Variants in TFEC observed in about 807,000 individuals in gnomAD.
TFEC encodes the protein transcription factor EC.
TFEC carries 31 observed loss-of-function variants against 41.6 expected under a neutral mutation model. That is an observed-to-expected ratio of 0.74 (90% CI 0.56 to 1.01). The LOEUF (loss-of-function observed/expected upper bound fraction) is 1.01. TFEC is among the 50% of genes least tolerant of loss of function. The pLI, the probability that TFEC is intolerant of heterozygous loss-of-function variation, is 0.00. For missense variants in TFEC, 402 were observed against 404.1 expected (o/e 0.99, Z 0.04); for synonymous variants, 143 against 140.6 (o/e 1.02, Z -0.12).
At chr7:115,955,875 T>C (rs1219746781) in intron 4 of TFEC, among the ~76,000 whole-genome samples, 2 of 152,052 alleles carry the variant, frequency 1.3e-5, no homozygotes, top group Admixed American at 6.6e-5. Context: ...GAATTATTGA[T>C]TGAGCTTTAA....
chr7:116,057,734 G>GA (rs1177853988), intron 3 of TFEC, among the ~76,000 whole-genome samples: 1 of 151,570 alleles, frequency 6.6e-6, no homozygotes. Context: ...TAAGATTAAC[G>GA]AAAAAATAGC....
intron 3 of TFEC, among the ~76,000 whole-genome samples, chr7:115,973,663 G>A (rs1457479980): frequency 6.6e-6 from 1 of 151,998 alleles, no homozygotes; most frequent in Admixed American, 6.6e-5. Context: ...TACTTTAAAG[G>A]AGGGTGAGGC....
intron 3 of TFEC, among the ~76,000 whole-genome samples, chr7:116,103,557 A>C (rs993878806): frequency 5.3e-5 from 8 of 152,196 alleles, no homozygotes; most frequent in African/African-American, 1.9e-4. Flanking sequence ...TAGTTTCTAT[A>C]GTTAAATATT....
intron 3 of TFEC, among the ~76,000 whole-genome samples, chr7:116,052,716 C>T (rs1280278761): frequency 2.0e-5 from 3 of 151,532 alleles, no homozygotes; most frequent in African/African-American, 7.3e-5. Flanking sequence ...CATGAGCCAC[C>T]GTGCCCAGCA....
At chr7:116,138,844 A>C (rs1046870171) in intron 1 of TFEC, among the ~76,000 whole-genome samples, 1 of 152,218 alleles carries the variant, frequency 6.6e-6, no homozygotes, top group African/African-American at 2.4e-5. Context: ...AAAGAAAAAA[A>C]GTAAAGGCTT....
chr7:116,131,050 A>T (rs1447049288), intron 1 of TFEC, among the ~76,000 whole-genome samples: 1 of 152,232 alleles, frequency 6.6e-6, no homozygotes, highest in Admixed American at 6.5e-5. Flanking sequence ...TAGAATCTAC[A>T]TTAATGTGTA....
intron 1 of TFEC, among the ~76,000 whole-genome samples, chr7:116,116,301 G>A (rs1797986752): frequency 6.6e-6 from 1 of 151,902 alleles, no homozygotes; most frequent in African/African-American, 2.4e-5. Context: ...TGGGGGACAT[G>A]ATAGCTGTCT....
At chr7:116,050,690 CT>C (rs200920486) in intron 3 of TFEC, among the ~76,000 whole-genome samples, 28,844 of 152,116 alleles carry the variant, frequency 0.19, 2,763 homozygotes, top group East Asian at 0.32. Context: ...CACTTTTACA[CT>C]GTTGGTGGGA....
chr7:115,935,429 A>G lies in TFEC; in HGVS notation c.*5122T>C, dbSNP rs1377539893. ...ATATGTAAAACACTATTAAAGTCAAAGATTTTTAACTACATAATAATTATT... is the reference window on the plus strand; with the variant it reads ...ATATGTAAAACACTATTAAAGTCAAGGATTTTTAACTACATAATAATTATT... On this transcript the variant is annotated 3_prime_UTR_variant, in exon 8 of 8. Coordinates refer to ENST00000265440, the MANE Select transcript of TFEC (RefSeq NM_012252.4). The G allele has an allele frequency of 1.3e-5, 2 of 152,098 alleles. No homozygotes were observed. The highest frequency in any genetic ancestry group is 4.8e-5 in the African/African-American group (2 of 41,410). The allele number at this position is 152,098 out of a possible 1,614,324, so 9.4% of individuals were successfully genotyped here. A position where few individuals can be genotyped will look rare whatever the true frequency, so the allele number is the denominator to read the frequency against.
intron 2 of TFEC, chr7:116,110,990 T>G (rs1797842544): frequency 1.2e-6 from 1 of 809,940 alleles, no homozygotes; most frequent in Non-Finnish European, 1.8e-6. Context: ...TTTTATCACC[T>G]GAGACTACAT....
chr7:116,034,312 C>T (rs527632525), upstream of TFEC, among the ~76,000 whole-genome samples: 1 of 152,036 alleles, frequency 6.6e-6, no homozygotes, highest in Non-Finnish European at 1.5e-5. Flanking sequence ...GTCATACTTC[C>T]AGGCCTGATA....
chr7:116,149,478 G>A (rs1798716012), intron 1 of TFEC, among the ~76,000 whole-genome samples: 1 of 152,014 alleles, frequency 6.6e-6, no homozygotes, highest in African/African-American at 2.4e-5. Flanking sequence ...TCTTCCCAAA[G>A]GATAACCCAA....
rs140905443 is a variant in TFEC at position 115,936,480 on chromosome 7, G to T, written c.*4071C>A. On this transcript the variant is annotated 3_prime_UTR_variant, in exon 8 of 8. Transcript: ENST00000265440. Reference sequence around the variant, plus strand: ...TTATTCCACATCTTACACATCAGACGGTCAGTAAATACCTAAAGTGTTTGA... The same window carrying T: ...TTATTCCACATCTTACACATCAGACTGTCAGTAAATACCTAAAGTGTTTGA... The T allele has an allele frequency of 6.6e-6, 1 of 151,414 alleles. No individual in the cohort carries two copies. Among genetic ancestry groups the T allele is most frequent in the Non-Finnish European group, 1.5e-5 (1 of 67,564 alleles). The allele number at this position is 151,414 out of a possible 1,614,324, so 9.4% of individuals were successfully genotyped here.
rs574988551 is a variant in TFEC, at chr7:116,118,012, A to G, written c.-68-5974T>C. Among the ~76,000 whole-genome samples, 6 of 152,040 alleles carry G rather than the reference A, an allele frequency of 3.9e-5. No individual in the cohort carries two copies. The East Asian group carries it at 1.2e-3, about 29-fold the overall frequency. On this transcript the variant is annotated intron_variant, in intron 1 of 8. Coordinates refer to the TFEC transcript ENST00000484212. ...AAAGAAATTCAAAATCCTTGAATTT[A>G]TAAGAGCACTAAAAGCATCTAAAAT...
intron 1 of TFEC, among the ~76,000 whole-genome samples, chr7:116,026,619 A>T (rs894851356): frequency 1.3e-5 from 2 of 152,206 alleles, no homozygotes; most frequent in African/African-American, 4.8e-5. Flanking sequence ...GTCACTGGGC[A>T]GATTCATCCA....
chr7:115,989,139 A>G (rs764699855), intron 1 of TFEC, among the ~76,000 whole-genome samples: 1 of 152,240 alleles, frequency 6.6e-6, no homozygotes, highest in Non-Finnish European at 1.5e-5. Context: ...AAAATAATGT[A>G]GGTCAAAAAG....
chr7:116,034,214 C>A (rs1795855460), upstream of TFEC, among the ~76,000 whole-genome samples: 1 of 152,054 alleles, frequency 6.6e-6, no homozygotes, highest in Non-Finnish European at 1.5e-5. Context: ...TCAGCCTGTT[C>A]TTTCCCCTAC....
At chr7:115,992,830 G>A (rs1385560391) in intron 1 of TFEC, among the ~76,000 whole-genome samples, 2 of 152,148 alleles carry the variant, frequency 1.3e-5, no homozygotes, top group Non-Finnish European at 2.9e-5. Flanking sequence ...TAGAAAAAGA[G>A]GGAATCCTCT....
chr7:116,124,918 G>A (rs1798179656), intron 1 of TFEC, among the ~76,000 whole-genome samples: 2 of 152,148 alleles, frequency 1.3e-5, no homozygotes, highest in South Asian at 4.1e-4. Flanking sequence ...ATATCCTCAA[G>A]TATCTTACTA....
Sources: allele counts gnomAD v4.1 joint callset (sites outside exome capture counted in the v4.1 genomes callset), GRCh38; gene constraint gnomAD v4.1.1; transcripts MANE v1.5; gene names NCBI Gene and HGNC (gene_info 2026-07-23, HGNC 2026-07-21).